Variants in EXOC1 observed in about 807,000 individuals in gnomAD.
The protein encoded by EXOC1 is SEC3-like 1.
Under a neutral mutation model 107.7 loss-of-function variants are expected in EXOC1, and 67 were observed. The ratio of observed to expected loss-of-function variants is 0.62; its 90% CI spans 0.51 to 0.76. The LOEUF (loss-of-function observed/expected upper bound fraction) is 0.76. EXOC1 is among the 30% of genes least tolerant of loss of function. The pLI is 0.00. For missense variants in EXOC1, 833 were observed against 1,055.7 expected (o/e 0.79, Z 2.92); for synonymous variants, 348 against 353.5 (o/e 0.98, Z 0.17).
chr4:55,854,611 T>C (rs897029662), intron 1 of EXOC1, among the ~76,000 whole-genome samples: 2 of 152,334 alleles, frequency 1.3e-5, no homozygotes, highest in Admixed American at 6.5e-5. Flanking sequence ...TAGAATAGTG[T>C]CTGCCACCTA....
chr4:55,903,147 T>TAAAA (rs10544843), intron 18 of EXOC1, among the ~76,000 whole-genome samples: 24 of 98,104 alleles, frequency 2.4e-4, no homozygotes, highest in South Asian at 1.0e-3. Context: ...GTGTCTCAAT[T>TAAAA]AAAAAAAAAA....
intron 8 of EXOC1, among the ~76,000 whole-genome samples, chr4:55,874,525 A>G (rs948388417): frequency 2.6e-5 from 4 of 152,136 alleles, no homozygotes; most frequent in Non-Finnish European, 5.9e-5. Flanking sequence ...TCTTATTGCT[A>G]TAGGCCAGGA....
At chr4:55,904,316 C>A in intron 18 of EXOC1, 27 bp from the exon 19 acceptor site, 1 of 1,563,888 alleles carries the variant, frequency 6.4e-7, no homozygotes, top group South Asian at 1.2e-5. Flanking sequence ...CCATTCATAG[C>A]CTAATGACTT....
intron 10 of EXOC1, among the ~76,000 whole-genome samples, chr4:55,887,593 A>G (rs530571472): frequency 6.6e-6 from 1 of 152,238 alleles, no homozygotes; most frequent in East Asian, 1.9e-4. Flanking sequence ...CTTATTGACT[A>G]CTAAAGAAAG....
intron 9 of EXOC1, among the ~76,000 whole-genome samples, chr4:55,879,399 G>A (rs188812708): frequency 5.3e-5 from 8 of 152,318 alleles, no homozygotes; most frequent in Non-Finnish European, 1.0e-4. Context: ...AAGGCAGAGC[G>A]TTCCTATTGT....
At chr4:55,872,418 GATCTA>G (rs1722529327) in intron 8 of EXOC1, among the ~76,000 whole-genome samples, 2 of 151,892 alleles carry the variant, frequency 1.3e-5, no homozygotes, top group African/African-American at 4.8e-5. Flanking sequence ...AATTTCAGTT[GATCTA>G]ATCTTCATAT....
chr4:55,868,878 G>A (rs1003142325), intron 5 of EXOC1: 11 of 167,518 alleles, frequency 6.6e-5, no homozygotes, highest in Non-Finnish European at 1.4e-4. Flanking sequence ...GTATGTGTGT[G>A]GTTTGAAAAA....
Position 55,891,356 on chromosome 4 carries a change from G to A in EXOC1, c.1581G>A (p.Leu527=), listed in dbSNP as rs769535709. The A allele has an allele frequency of 6.2e-7, 1 of 1,613,922 alleles. No individual in the cohort carries two copies. Among genetic ancestry groups the A allele is most frequent in the East Asian group, 2.2e-5 (1 of 44,824 alleles). Reference sequence around the variant, plus strand: ...TAAGTGAACTGGAGCCCCTATGTCTGGCAGAACAGGACTTCATAAGTAAAT... The same window carrying A: ...TAAGTGAACTGGAGCCCCTATGTCTAGCAGAACAGGACTTCATAAGTAAAT... ...QVLSELEPLC[L]AEQDFISKFF... Residue 527 remains leucine (L), a synonymous_variant, in exon 13 of 19, where the codon CTG becomes CTA. Coordinates refer to ENST00000381295, the MANE Select transcript of EXOC1 (RefSeq NM_001024924.2).
At chr4:55,902,170 T>G (rs2109518274) in intron 17 of EXOC1, 174 bp from the exon 18 acceptor site, 1 of 426,228 alleles carries the variant, frequency 2.3e-6, no homozygotes, top group South Asian at 1.1e-4. Context: ...AACTCTACAA[T>G]ATTAACAATG....
chr4:55,878,596 A>G (rs984076081), intron 9 of EXOC1, among the ~76,000 whole-genome samples: 1 of 152,220 alleles, frequency 6.6e-6, no homozygotes, highest in Non-Finnish European at 1.5e-5. Context: ...ATGTGGCAGT[A>G]TAGACAAGGA....
intron 8 of EXOC1, chr4:55,876,877 C>T (rs1032584380): frequency 5.1e-6 from 5 of 985,106 alleles, no homozygotes; most frequent in Non-Finnish European, 6.0e-6. Flanking sequence ...TTCCAACAGA[C>T]TGATTTGAAA....
intron 8 of EXOC1, among the ~76,000 whole-genome samples, chr4:55,875,272 A>C (rs908401967): frequency 2.0e-5 from 3 of 152,330 alleles, no homozygotes; most frequent in Admixed American, 6.5e-5. Context: ...GCATATTTGT[A>C]AACACGGATT....
intron 1 of EXOC1, 69 bp from the exon 2 acceptor site, chr4:55,858,245 A>C (rs1721173406): frequency 1.4e-6 from 2 of 1,402,988 alleles, no homozygotes; most frequent in South Asian, 1.9e-5. Context: ...TTTTCAAATC[A>C]TAAATTCAGA....
chr4:55,873,610 G>T (rs1195965936), intron 8 of EXOC1, among the ~76,000 whole-genome samples: 1 of 152,156 alleles, frequency 6.6e-6, no homozygotes, highest in East Asian at 1.9e-4. Flanking sequence ...CGTTTAAAAT[G>T]AATGCTTCCC....
chr4:55,869,321 G>A (rs541029617), intron 5 of EXOC1, among the ~76,000 whole-genome samples: 3 of 152,238 alleles, frequency 2.0e-5, no homozygotes, highest in South Asian at 2.1e-4. Context: ...AACTGAGATC[G>A]TGCCACTGCA....
At position 55,860,526 on chromosome 4, in the gene EXOC1, CAAAGATGCT is replaced by C; in HGVS notation, c.242_250del (p.Lys81_Ala83del). The stretch of plus-strand genomic sequence containing the variant: ...TTCGAGATCTTGCTGTGGTAGATGC[CAAAGATGCT>C]ATCAAAGTAGGTTTTTCTCAGTTCT... On this transcript the variant is annotated inframe_deletion, in exon 3 of 19. Coordinates refer to ENST00000381295, the MANE Select transcript of EXOC1 (RefSeq NM_001024924.2). 1 of 1,613,816 alleles carries C rather than the reference CAAAGATGCT, an allele frequency of 6.2e-7. No individual in the cohort carries two copies. Among genetic ancestry groups the C allele is most frequent in the Non-Finnish European group, 8.5e-7 (1 of 1,179,834 alleles).
chr4:55,896,474 T>A (rs1031739093), intron 15 of EXOC1, among the ~76,000 whole-genome samples: 1 of 152,206 alleles, frequency 6.6e-6, no homozygotes, highest in African/African-American at 2.4e-5. Flanking sequence ...CTGTATTATT[T>A]TGATTTTCTT....
At chr4:55,890,874 C>G (rs1192228133) in intron 12 of EXOC1, among the ~76,000 whole-genome samples, 5 of 152,182 alleles carry the variant, frequency 3.3e-5, no homozygotes, top group Admixed American at 6.5e-5. Context: ...ATTACAGGTG[C>G]CTGCCACCAC....
Position 55,890,295 on chromosome 4 carries a change from G to T in EXOC1, c.1448G>T (p.Gly483Val). 1 of 1,613,930 alleles carries T rather than the reference G, an allele frequency of 6.2e-7. No individual in the cohort carries two copies. Among genetic ancestry groups the T allele is most frequent in the East Asian group, 2.2e-5 (1 of 44,836 alleles). ...SLNKLSVQSS[G>V]NRRSQSSSLL... ...AATAAGCTCAGTGTTCAGAGTTCAG[G>T]GAATCGCAGATCTCAGTCATCTTCC... Residue 483 changes from glycine to valine, a missense_variant, in exon 12 of 19, where the codon GGG becomes GTG. Coordinates refer to ENST00000381295, the MANE Select transcript of EXOC1 (RefSeq NM_001024924.2).
Sources: gnomAD v4.1 joint callset for allele counts (sites outside exome capture counted in the v4.1 genomes callset) on GRCh38, gnomAD v4.1.1 for gene constraint, MANE v1.5 for transcripts, NCBI Gene and HGNC (gene_info 2026-07-23, HGNC 2026-07-21) for gene names.